The following CUBN variants were observed in gnomAD, a reference collection of about 807,000 sequenced individuals.
The protein encoded by CUBN is cubilin.
In CUBN, 282 loss-of-function variants were observed where a neutral mutation model predicts 405.3. The observed-to-expected ratio is 0.70, with a 90% confidence interval of 0.63 to 0.77. CUBN has a LOEUF of 0.77. CUBN is among the 30% of genes least tolerant of loss of function. The probability of loss-of-function intolerance (pLI) is 0.00; values close to 1 mark genes in which losing one functional copy is unlikely to be tolerated. For synonymous variants in CUBN, 1,684 were observed against 1,617.0 expected (o/e 1.04, Z -0.99); for missense variants, 4,514 against 4,475.2 (o/e 1.01, Z -0.25).
chr10:16,999,919 C>A (rs1833833107), intron 28 of CUBN, among the ~76,000 whole-genome samples: 1 of 152,176 alleles, frequency 6.6e-6, no homozygotes, highest in Non-Finnish European at 1.5e-5. Context: ...GAGGACTCCA[C>A]CCGGAGAAAT....
intron 29 of CUBN, among the ~76,000 whole-genome samples, chr10:16,990,093 C>G (rs2291522): frequency 6.6e-6 from 1 of 152,222 alleles, no homozygotes; most frequent in Non-Finnish European, 1.5e-5. Context: ...TCCTGGGCTC[C>G]GGCTTCCTGG....
intron 39 of CUBN, among the ~76,000 whole-genome samples, chr10:16,935,879 C>CAAAAAAAAAAAAAAAAA (rs369098280): frequency 3.2e-4 from 23 of 71,296 alleles, no homozygotes; most frequent in East Asian, 7.5e-4. Context: ...GACTCCATCT[C>CAAAAAAAAAAAAAAAAA]AAAAAAAAAA....
At chr10:16,992,485 G>C (rs1833620952) in intron 28 of CUBN, among the ~76,000 whole-genome samples, 1 of 152,108 alleles carries the variant, frequency 6.6e-6, no homozygotes, top group Non-Finnish European at 1.5e-5. Flanking sequence ...GGCTTCTAAA[G>C]TAAGACACCA....
chr10:17,106,597 C>CAAA (rs113317804), intron 10 of CUBN, among the ~76,000 whole-genome samples: 7,455 of 110,922 alleles, frequency 0.067, 306 homozygotes, highest in South Asian at 0.23. Flanking sequence ...AACGCCATCT[C>CAAA]AAAAAAAAAA....
At chr10:16,935,278 AGT>A (rs1201945709) in intron 39 of CUBN, among the ~76,000 whole-genome samples, 6 of 152,108 alleles carry the variant, frequency 3.9e-5, no homozygotes, top group Admixed American at 1.3e-4. Flanking sequence ...CTGCCTCCTG[AGT>A]AGCTGGGACT....
At chr10:17,100,703 G>T (rs7083655) in intron 13 of CUBN, among the ~76,000 whole-genome samples, 93,331 of 152,002 alleles carry the variant, frequency 0.61, 30,023 homozygotes, top group Non-Finnish European at 0.73. Flanking sequence ...GCCCGCCAGG[G>T]ATGTTGATTC....
chr10:17,059,673 T>C (rs567209583), intron 22 of CUBN, among the ~76,000 whole-genome samples: 23 of 152,316 alleles, frequency 1.5e-4, no homozygotes, highest in African/African-American at 4.8e-4. Context: ...AGGGAAGATA[T>C]AATTACAGGT....
At chr10:16,999,643 G>A (rs1046835180) in intron 28 of CUBN, among the ~76,000 whole-genome samples, 3 of 152,240 alleles carry the variant, frequency 2.0e-5, no homozygotes, top group Non-Finnish European at 2.9e-5. Flanking sequence ...AAGCAGTCAT[G>A]CCTAAGGCTA....
At chr10:16,889,942 A>AAAAAAAAAAAAAAAAAAAAAACAAAAC (rs1554788548) in intron 55 of CUBN, among the ~76,000 whole-genome samples, 1 of 136,222 alleles carries the variant, frequency 7.3e-6, no homozygotes, top group African/African-American at 2.9e-5. Context: ...TGTCAAAAAA[A>AAAAAAAAAAAAAAAAAAAAAACAAAAC]AAAAAAAAAA....
In CUBN at chr10:16,832,395, G is replaced by A. The variant is rs1839033470; in HGVS notation, c.10363-978C>T. ...TTAAGACATCTTGCTGGGCTGTGTTGATCAGGTGAGATTCCTTTTAGGTCG... is the reference window on the plus strand; with the variant it reads ...TTAAGACATCTTGCTGGGCTGTGTTAATCAGGTGAGATTCCTTTTAGGTCG... On this transcript the variant is annotated intron_variant, in intron 64 of 66. Transcript: ENST00000377833. Among the ~76,000 whole-genome samples, 3 of 152,182 alleles carry A rather than the reference G, an allele frequency of 2.0e-5. No individual in the cohort carries two copies. The South Asian group carries it at 6.2e-4, about 31-fold the overall frequency.
chr10:16,937,902 T>C lies in CUBN; in HGVS notation c.5734-118A>G, dbSNP rs939646822. On this transcript the variant is annotated intron_variant, in intron 38 of 66. Transcript: ENST00000377833. ...GTTATCATAACAAAAAAATGACAAA[T>C]GAGTAAACATTTAATTTTAGCTTAA... is the stretch of plus-strand genomic sequence containing the variant. 43 of 851,686 alleles carry C rather than the reference T, an allele frequency of 5.0e-5. No homozygotes were observed. In the East Asian group the frequency reaches 5.9e-4, roughly 12 times the overall value. The allele number at this position is 851,686 out of a possible 1,614,324, so 52.8% of individuals were successfully genotyped here.
intron 28 of CUBN, among the ~76,000 whole-genome samples, chr10:16,999,678 TCAAA>T (rs888581618): frequency 1.2e-4 from 18 of 152,330 alleles, no homozygotes; most frequent in African/African-American, 2.9e-4. Context: ...ATGAAATCCC[TCAAA>T]CAAACAAAGA....
chr10:16,951,299 T>C (rs1842916002), intron 33 of CUBN, among the ~76,000 whole-genome samples: 1 of 152,202 alleles, frequency 6.6e-6, no homozygotes, highest in African/African-American at 2.4e-5. Flanking sequence ...CTTATGCATG[T>C]CAATGAAGAT....
chr10:17,068,826 T>A (rs1439365376), intron 19 of CUBN, 56 bp from the exon 20 acceptor site: 17 of 1,277,620 alleles, frequency 1.3e-5, no homozygotes, highest in Non-Finnish European at 1.9e-5. Flanking sequence ...GAAAACTGCT[T>A]CAAGAATAAT....
At position 16,890,474 on chromosome 10, in the gene CUBN, C is replaced by G. The variant is rs1359495568; in HGVS notation, c.8652G>C (p.Gly2884=). The G allele has an allele frequency of 1.9e-6, 3 of 1,614,046 alleles. No individual in the cohort carries two copies. ...VDKALLATGC[G]NVAPGPVITP... ...TGATAACGGGACCCGGAGCCACGTTCCCACAGCCAGTGGCTAGCAGGGCTT... is the reference window on the plus strand; with the variant it reads ...TGATAACGGGACCCGGAGCCACGTTGCCACAGCCAGTGGCTAGCAGGGCTT... The change falls in exon 55 of 67, where the codon GGG becomes GGC. Residue 2884 remains glycine (G), a synonymous_variant. Coordinates refer to ENST00000377833, the MANE Select transcript of CUBN (RefSeq NM_001081.4).
intron 48 of CUBN, among the ~76,000 whole-genome samples, chr10:16,911,915 C>T (rs1048221798): frequency 2.0e-5 from 3 of 152,020 alleles, no homozygotes; most frequent in African/African-American, 7.2e-5. Context: ...CACATGATTA[C>T]AAGTACATAA....
Position 17,068,588 on chromosome 10 carries a change from AGGG to A in CUBN, c.2791+14_2791+16del. 1.3e-6 allele frequency: 2 copies of A among 1,593,480 alleles called. No individual in the cohort carries two copies. Among genetic ancestry groups the A allele is most frequent in the African/African-American group, 2.7e-5 (2 of 74,336 alleles). On this transcript the variant is annotated intron_variant, in intron 20 of 66. Coordinates refer to ENST00000377833, the MANE Select transcript of CUBN (RefSeq NM_001081.4). ...CAAGCCCAAGAGGAGGAAAAAAAAA[AGGG>A]AACAGTCTCTTACCCAAATCCTCAG...
chr10:16,898,925 A>G, intron 54 of CUBN, 71 bp downstream of exon 54: 1 of 1,168,218 alleles, frequency 8.6e-7, no homozygotes, highest in Non-Finnish European at 1.3e-6. Context: ...GCGACAATGA[A>G]TCATTTCTAG....
In CUBN at chr10:16,928,294, T is replaced by C; in HGVS notation, c.6134A>G (p.Asn2045Ser). ...DSLVIRDGDN[N>S]LAQQLAVLCG... ...GAGAACTGCTAGCTGCTGGGCCAAG[T>C]TATTATCTCCTACGTTGAAAGAAAG... The change falls in exon 41 of 67, where the codon AAC becomes AGC. Residue 2045 changes from asparagine (N) to serine (S), a missense_variant. Physicochemically the swap from Asn to Ser is conservative, Grantham distance 46. Around this residue, in one of 5 missense-constraint regions of CUBN, gnomAD observed 1,613 missense variants for 1,542.8 expected, o/e 1.05. Transcript: ENST00000377833. The C allele has an allele frequency of 6.2e-7, 1 of 1,613,870 alleles. No homozygotes were observed. Among genetic ancestry groups the C allele is most frequent in the Non-Finnish European group, 8.5e-7 (1 of 1,179,882 alleles).
Sources: gnomAD v4.1 joint callset for allele counts (sites outside exome capture counted in the v4.1 genomes callset) on GRCh38, gnomAD v4.1.1 for gene constraint, gnomAD v4.1.1 regional missense constraint, MANE v1.5 for transcripts, NCBI Gene and HGNC (gene_info 2026-07-23, HGNC 2026-07-21) for gene names.